The following CHML variants were observed in gnomAD, a reference collection of about 807,000 sequenced individuals.
CHML encodes CHM like Rab escort protein, also known as rab proteins geranylgeranyltransferase component A 2.
A neutral mutation model predicts 30.4 loss-of-function variants in CHML; 20 were observed. That is an observed-to-expected ratio of 0.66 (90% confidence interval 0.46 to 0.95). The LOEUF (loss-of-function observed/expected upper bound fraction) is 0.95. Ranked by LOEUF, CHML falls within the 40% of genes least tolerant of loss-of-function variation. The pLI, the probability that CHML is intolerant of heterozygous loss-of-function variation, is 0.00. For missense variants in CHML, 795 were observed against 768.5 expected (o/e 1.03, Z -0.41); for synonymous variants, 281 against 275.0 (o/e 1.02, Z -0.22).
rs769941699 is a variant in CHML, at chr1:241,635,469, CTG to C, written c.296_297del (p.Thr99ArgfsTer15). On this transcript the variant is annotated frameshift_variant, in exon 2 of 2. Coordinates refer to ENST00000366553, the MANE Select transcript of CHML (RefSeq NM_001381853.1). LOFTEE classifies it high-confidence loss of function. Reference protein sequence around the residue: ...LRKKDETIQHTEAFCYASQDM... With the variant: ...LRKKDETIQHXEAFCYASQDM... ...TCCTGACTGGCGTAGCAAAAAGCTT[CTG>C]TGTGTTGAATAGTTTCATCCTTCTT... The C allele has an allele frequency of 5.6e-6, 9 of 1,613,760 alleles. No individual in the cohort carries two copies. In the East Asian group the frequency reaches 2.0e-4, roughly 36 times the overall value.
rs1260540201 is a variant in CHML, at chr1:241,630,042, CTAA to C, written c.*3751_*3753del. The C allele has an allele frequency of 6.6e-6, 1 of 152,064 alleles. No individual in the cohort carries two copies. Among genetic ancestry groups the C allele is most frequent in the Non-Finnish European group, 1.5e-5 (1 of 67,944 alleles). 9.4% of individuals were successfully genotyped at this position (152,064 alleles called of 1,614,324 possible). On this transcript the variant is annotated 3_prime_UTR_variant, in exon 2 of 2. Coordinates refer to ENST00000366553, the MANE Select transcript of CHML (RefSeq NM_001381853.1). ...AAATGGAACTGTAGTAAATTTCATACTAATGTCACATATTGGCATTTCTTTGGA... is the reference window on the plus strand; with the variant it reads ...AAATGGAACTGTAGTAAATTTCATACTGTCACATATTGGCATTTCTTTGGA...
chr1:241,637,102 T>C (rs1250252147), intron 1 of CHML, among the ~76,000 whole-genome samples: 2 of 152,218 alleles, frequency 1.3e-5, no homozygotes, highest in East Asian at 1.9e-4. Flanking sequence ...TGAAAGTCTT[T>C]AGGCTAAAGC....
Position 241,640,189 on chromosome 1 carries a change from C to A in CHML, c.-615G>T. On this transcript the variant is annotated 5_prime_UTR_variant, in exon 1 of 2. It adds an upstream start codon to the 5' untranslated region. Transcript: ENST00000366553. ...TCAGTGTCCCCGCCGGCGCCGGCCC[C>A]TCAGCGCCCGCGGCCCCGCCGCCGT... 1 of 1,383,932 alleles carries A rather than the reference C, an allele frequency of 7.2e-7. No individual in the cohort carries two copies. The allele number at this position is 1,383,932 out of a possible 1,614,324, so 85.7% of individuals were successfully genotyped here. A position where few individuals can be genotyped will look rare whatever the true frequency, so the allele number is the denominator to read the frequency against.
Position 241,629,569 on chromosome 1 carries a change from A to C in CHML, c.*4227T>G, listed in dbSNP as rs1157225254. On this transcript the variant is annotated 3_prime_UTR_variant, in exon 2 of 2. Transcript: ENST00000366553. ...TGTGTAATGCAAATAGCTTCTTTTA[A>C]ATTCCATCTTGTTTTGTCTTTTTCC... is the stretch of plus-strand genomic sequence containing the variant. The C allele has an allele frequency of 6.6e-6, 1 of 152,118 alleles. No homozygotes were observed. The highest frequency in any genetic ancestry group is 1.9e-4 in the East Asian group (1 of 5,194). 9.4% of individuals were successfully genotyped at this position (152,118 alleles called of 1,614,324 possible). A position where few individuals can be genotyped will look rare whatever the true frequency, so the allele number is the denominator to read the frequency against.
rs1558447387 is a variant in CHML, at chr1:241,634,234, T to C, written c.1533A>G (p.Thr511=). The change falls in exon 2 of 2, where the codon ACA becomes ACG. Residue 511 remains threonine, a synonymous_variant. Coordinates refer to ENST00000366553, the MANE Select transcript of CHML (RefSeq NM_001381853.1). Reference sequence around the variant, plus strand: ...CTCTTGCTGTTTTAGAAGATGAACATGTCAAATGTACCAGATAGGTGTCCT... The same window carrying C: ...CTCTTGCTGTTTTAGAAGATGAACACGTCAAATGTACCAGATAGGTGTCCT... ...CMKDTYLVHL[T]CSSSKTARED... is the part of the protein sequence containing the mutation. The C allele has an allele frequency of 1.9e-6, 3 of 1,613,970 alleles. No homozygotes were observed. Among genetic ancestry groups the C allele is most frequent in the East Asian group, 2.2e-5 (1 of 44,886 alleles).
chr1:241,638,243 G>A (rs1287987801), intron 1 of CHML, among the ~76,000 whole-genome samples: 1 of 152,112 alleles, frequency 6.6e-6, no homozygotes, highest in Non-Finnish European at 1.5e-5. Context: ...TCACTGGGCT[G>A]GGACCCTAGG....
rs1257508110 is a variant in CHML, at chr1:241,635,621, C to G, written c.146G>C (p.Ser49Thr). The change falls in exon 2 of 2, where the codon AGT (serine) becomes ACT (threonine). Residue 49 changes from serine to threonine, a missense_variant. Transcript: ENST00000366553. ...GGATAGCAATCCTGAAAAGCTGAAA[C>G]TAGCCCAGTTTCCTCCATAGTAGCT... ...SRSYYGGNWA[S>T]FSFSGLLSWL... 6.2e-7 allele frequency: 1 copy of G among 1,614,018 alleles called. No homozygotes were observed. Among genetic ancestry groups the G allele is most frequent in the African/African-American group, 1.3e-5 (1 of 74,930 alleles).
At position 241,635,400 on chromosome 1, in the gene CHML, G is replaced by T; in HGVS notation, c.367C>A (p.Pro123Thr). 6.2e-7 allele frequency: 1 copy of T among 1,614,014 alleles called. No homozygotes were observed. Among genetic ancestry groups the T allele is most frequent in the Non-Finnish European group, 8.5e-7 (1 of 1,179,942 alleles). The part of the protein sequence containing the change: ...VEEIGALQKN[P>T]SLGVSNTFTE... The stretch of plus-strand genomic sequence containing the variant: ...AAGGTATTAGACACCCCCAAAGAAG[G>T]ATTTTTCTGCAGAGCACCAATCTCT... The change falls in exon 2 of 2, where the codon CCT becomes ACT. Residue 123 changes from proline to threonine, a missense_variant. By Grantham distance (38) the Pro-to-Thr change is conservative. Coordinates refer to ENST00000366553, the MANE Select transcript of CHML (RefSeq NM_001381853.1).
chr1:241,631,896 G>A lies in CHML; in HGVS notation c.*1900C>T, dbSNP rs997347566. 1 of 152,108 alleles carries A rather than the reference G, an allele frequency of 6.6e-6. No homozygotes were observed. The allele number at this position is 152,108 out of a possible 1,614,324, so 9.4% of individuals were successfully genotyped here. A position where few individuals can be genotyped will look rare whatever the true frequency, so the allele number is the denominator to read the frequency against. The stretch of plus-strand genomic sequence containing the variant: ...CTACACTCTCTAACAGTGAATGTTA[G>A]TAGAAAGATCAAAGGTTTTAGAATC... On this transcript the variant is annotated 3_prime_UTR_variant, in exon 2 of 2. Transcript: ENST00000366553.
rs76360191 is a variant in CHML, at chr1:241,633,519, T to C, written c.*277A>G. 4.2e-3 allele frequency: 1,615 copies of C among 380,746 alleles called. 21 individuals carry two copies. The highest frequency in any genetic ancestry group is 0.032 in the African/African-American group (1,509 of 46,710). The allele number at this position is 380,746 out of a possible 1,614,324, so 23.6% of individuals were successfully genotyped here. ...AAGCTGAGTTGCTAATATGGAACCC[T>C]TACATATATACCCAATACTAAAATA... is the stretch of plus-strand genomic sequence containing the variant. On this transcript the variant is annotated 3_prime_UTR_variant, in exon 2 of 2. Transcript: ENST00000366553.
At chr1:241,639,755 G>T in intron 1 of CHML, 127 bp downstream of exon 1, 1 of 986,116 alleles carries the variant, frequency 1.0e-6, no homozygotes, top group Non-Finnish European at 1.4e-6. Flanking sequence ...GGCGGTGTAG[G>T]GCGGGGGGCG....
Position 241,634,169 on chromosome 1 carries a change from T to C in CHML, c.1598A>G (p.Tyr533Cys). The C allele has an allele frequency of 6.2e-7, 1 of 1,613,990 alleles. No homozygotes were observed. Among genetic ancestry groups the C allele is most frequent in the East Asian group, 2.2e-5 (1 of 44,882 alleles). Residue 533 changes from tyrosine to cysteine, a missense_variant, in exon 2 of 2, where the codon TAT (tyrosine) becomes TGT (cysteine). Physicochemically the swap from Tyr to Cys is radical, Grantham distance 194. Transcript: ENST00000366553. ...ESVVKKLFTP[Y>C]TETEINEEEL... The stretch of plus-strand genomic sequence containing the variant: ...TTCCTCGTTTATTTCTGTTTCAGTA[T>C]ACGGAGTGAATAATTTCTTCACCAC...
rs1476743830 is a variant in CHML, at chr1:241,635,215, A to G, written c.552T>C (p.Asp184=). 2.5e-6 allele frequency: 4 copies of G among 1,613,444 alleles called. No homozygotes were observed. In the Admixed American group the frequency reaches 6.7e-5, roughly 27 times the overall value. ...ESVEKEKYCG[D]KTCMHTVSDK... The stretch of plus-strand genomic sequence containing the variant: ...CTGAAACTGTGTGCATACAAGTTTT[A>G]TCTCCACAATACTTTTCCTTCTCCA... Residue 184 remains aspartate, a synonymous_variant, in exon 2 of 2, where the codon GAT becomes GAC. Transcript: ENST00000366553.
In CHML at chr1:241,630,737, C is replaced by A. The variant is rs944877194; in HGVS notation, c.*3059G>T. 1 of 151,846 alleles carries A rather than the reference C, an allele frequency of 6.6e-6. No homozygotes were observed. The highest frequency in any genetic ancestry group is 2.4e-5 in the African/African-American group (1 of 41,348). The allele number at this position is 151,846 out of a possible 1,614,324, so 9.4% of individuals were successfully genotyped here. A position where few individuals can be genotyped will look rare whatever the true frequency, so the allele number is the denominator to read the frequency against. On this transcript the variant is annotated 3_prime_UTR_variant, in exon 2 of 2. Transcript: ENST00000366553. ...CTTGGTTTAAGTACTTAACAGACTC[C>A]GAGAAGTCTATTAAATCATTGCCAG...
At chr1:241,639,183 C>T (rs1665016147) in intron 1 of CHML, 2 of 152,190 alleles carry the variant, frequency 1.3e-5, no homozygotes, top group African/African-American at 4.8e-5. Context: ...ATTTGTTCAC[C>T]TGAGATGGTA....
chr1:241,639,883 G>T lies in CHML; in HGVS notation c.-309C>A, dbSNP rs774179239. On this transcript the variant is annotated splice_region_variant and 5_prime_UTR_variant, in exon 1 of 2. Coordinates refer to ENST00000366553, the MANE Select transcript of CHML (RefSeq NM_001381853.1). Reference sequence around the variant, plus strand: ...CTGCCTTCTCCCAGTCCAACTCACCGAAGAGGCTGCCGCTAAACCCGTCCC... The same window carrying T: ...CTGCCTTCTCCCAGTCCAACTCACCTAAGAGGCTGCCGCTAAACCCGTCCC... The T allele has an allele frequency of 1.3e-6, 2 of 1,569,466 alleles. No individual in the cohort carries two copies. Among genetic ancestry groups the T allele is most frequent in the East Asian group, 2.4e-5 (1 of 41,594 alleles).
chr1:241,634,251 AG>A lies in CHML; in HGVS notation c.1515del (p.Tyr506IlefsTer5). 1 of 1,613,996 alleles carries A rather than the reference AG, an allele frequency of 6.2e-7. No homozygotes were observed. Among genetic ancestry groups the A allele is most frequent in the Non-Finnish European group, 8.5e-7 (1 of 1,179,908 alleles). ...CSSTMTCMKD[T>X]YLVHLTCSSS... ...GATGAACATGTCAAATGTACCAGATAGGTGTCCTTCATGCATGTCATGGTTG... is the reference window on the plus strand; with the variant it reads ...GATGAACATGTCAAATGTACCAGATAGTGTCCTTCATGCATGTCATGGTTG... On this transcript the variant is annotated frameshift_variant, in exon 2 of 2. Transcript: ENST00000366553. LOFTEE classifies it high-confidence loss of function.
Position 241,634,319 on chromosome 1 carries a change from T to C in CHML, c.1448A>G (p.Glu483Gly), listed in dbSNP as rs1664780810. Reference protein sequence around the residue: ...QTSILIVPPAEPGACAVRVTE... With the variant: ...QTSILIVPPAGPGACAVRVTE... ...GACCCGTACAGCACAAGCTCCTGGC[T>C]CTGCTGGAGGAACTATCAGAATGGA... The change falls in exon 2 of 2, where the codon GAG (glutamate) becomes GGG (glycine). Residue 483 changes from glutamate to glycine, a missense_variant. Coordinates refer to ENST00000366553, the MANE Select transcript of CHML (RefSeq NM_001381853.1). 1.9e-6 allele frequency: 3 copies of C among 1,614,010 alleles called. No homozygotes were observed. The East Asian group carries it at 6.7e-5, about 36-fold the overall frequency.
chr1:241,638,215 C>T (rs1295148793), intron 1 of CHML, among the ~76,000 whole-genome samples: 1 of 152,052 alleles, frequency 6.6e-6, no homozygotes, highest in African/African-American at 2.4e-5. Context: ...AGGCAAAAAT[C>T]TAAGTGAACT....
Sources: allele counts gnomAD v4.1 joint callset (sites outside exome capture counted in the v4.1 genomes callset), GRCh38; gene constraint gnomAD v4.1.1; transcripts MANE v1.5; gene names NCBI Gene and HGNC (gene_info 2026-07-23, HGNC 2026-07-21).